The following GOLGA4 variants were observed in gnomAD, a reference collection of about 807,000 sequenced individuals.
GOLGA4 encodes golgin A4, also known as golgin subfamily A member 4.
Under a neutral mutation model 265.9 loss-of-function variants are expected in GOLGA4, and 169 were observed. The ratio of observed to expected loss-of-function variants is 0.64; its 90% CI spans 0.56 to 0.72. GOLGA4 has a LOEUF of 0.72. GOLGA4 is among the 30% of genes least tolerant of loss of function. The pLI is 0.00. For synonymous variants in GOLGA4, 923 were observed against 855.8 expected, an observed-to-expected ratio of 1.08 and a Z score of -1.37; for missense variants, 2,482 against 2,483.4, an observed-to-expected ratio of 1.00 and a Z score of 0.01.
chr3:37,365,127 T>G (rs1024225162), intron 23 of GOLGA4, among the ~76,000 whole-genome samples: 15 of 152,130 alleles, frequency 9.9e-5, no homozygotes, highest in Admixed American at 3.3e-4. Context: ...AATTTTTAAA[T>G]TAAATTTCTT....
chr3:37,246,128 A>G (rs995177392), intron 1 of GOLGA4, among the ~76,000 whole-genome samples: 4 of 151,796 alleles, frequency 2.6e-5, no homozygotes, highest in Admixed American at 2.6e-4. Flanking sequence ...AGGCGGGCGG[A>G]TCACCTGAGG....
At chr3:37,349,730 G>C (rs889668070) in intron 21 of GOLGA4, among the ~76,000 whole-genome samples, 5 of 152,148 alleles carry the variant, frequency 3.3e-5, no homozygotes, top group African/African-American at 7.2e-5. Flanking sequence ...TTGAAATGGA[G>C]ACCAGGTTGC....
intron 5 of GOLGA4, among the ~76,000 whole-genome samples, chr3:37,293,939 A>G (rs575981007): frequency 1.6e-3 from 248 of 152,354 alleles, no homozygotes; most frequent in Non-Finnish European, 3.0e-3. Context: ...GACAGTTGTA[A>G]CACAATGGTA....
At chr3:37,262,527 A>G (rs1262727467) in intron 2 of GOLGA4, among the ~76,000 whole-genome samples, 2 of 143,312 alleles carry the variant, frequency 1.4e-5, no homozygotes, top group Non-Finnish European at 3.2e-5. Flanking sequence ...AATCCTGGAA[A>G]TGAAAAAAAA....
chr3:37,308,378 G>C (rs772297216), intron 10 of GOLGA4, among the ~76,000 whole-genome samples: 11 of 151,782 alleles, frequency 7.2e-5, no homozygotes, highest in Non-Finnish European at 1.3e-4. Context: ...TTGCAAAAGT[G>C]ATATTTATTA....
chr3:37,323,674 T>C lies in GOLGA4; in HGVS notation c.1788T>C (p.Ala596=), dbSNP rs768207231. Residue 596 remains alanine, a synonymous_variant, in exon 14 of 24, where the codon GCT becomes GCC. Transcript: ENST00000361924. ...AAGATTTGGCTGTTCATCTGGAAGC[T>C]GAAAAAAATAAGCACAATAAGGAGA... ...QSKDLAVHLE[A]EKNKHNKEIT... The C allele has an allele frequency of 1.2e-6, 2 of 1,604,190 alleles. No homozygotes were observed. Among genetic ancestry groups the C allele is most frequent in the Non-Finnish European group, 8.5e-7 (1 of 1,177,492 alleles).
chr3:37,243,682 C>T lies in GOLGA4; in HGVS notation c.72+60C>T, dbSNP rs1434866120. The T allele has an allele frequency of 9.4e-6, 13 of 1,382,362 alleles. No individual in the cohort carries two copies. In the East Asian group the frequency reaches 2.6e-4, roughly 27 times the overall value. The allele number at this position is 1,382,362 out of a possible 1,614,324, so 85.6% of individuals were successfully genotyped here. ...AATACCTCTTGAACCGGCCCGCGGACGAAAGAGGCGGGGGGAGTGGGGAAG... is the reference window on the plus strand; with the variant it reads ...AATACCTCTTGAACCGGCCCGCGGATGAAAGAGGCGGGGGGAGTGGGGAAG... On this transcript the variant is annotated intron_variant, in intron 1 of 23. Coordinates refer to ENST00000361924, the MANE Select transcript of GOLGA4 (RefSeq NM_002078.5).
At chr3:37,298,058 G>A (rs1002795089) in intron 7 of GOLGA4, among the ~76,000 whole-genome samples, 2 of 151,928 alleles carry the variant, frequency 1.3e-5, no homozygotes, top group Non-Finnish European at 2.9e-5. Flanking sequence ...ACACACCTGT[G>A]TAGTAACAGA....
At chr3:37,253,580 T>C (rs2096739933) in intron 2 of GOLGA4, among the ~76,000 whole-genome samples, 1 of 152,146 alleles carries the variant, frequency 6.6e-6, no homozygotes, top group Non-Finnish European at 1.5e-5. Context: ...TATTAAAATT[T>C]AGAAAGAAAT....
chr3:37,315,192 A>G (rs1221881134), intron 10 of GOLGA4, among the ~76,000 whole-genome samples: 1 of 152,240 alleles, frequency 6.6e-6, no homozygotes. Context: ...GCTCATATAA[A>G]CAAGTCTTAA....
chr3:37,299,886 C>CA (rs761312241), intron 9 of GOLGA4, among the ~76,000 whole-genome samples: 1,314 of 125,100 alleles, frequency 0.011, 14 homozygotes, highest in Middle Eastern at 0.02. Flanking sequence ...CTCCTCTCTA[C>CA]AAAAAAAAAA....
intron 6 of GOLGA4, among the ~76,000 whole-genome samples, chr3:37,295,609 G>A (rs2096876105): frequency 6.6e-6 from 1 of 152,140 alleles, no homozygotes; most frequent in Non-Finnish European, 1.5e-5. Context: ...CAGCTGTATT[G>A]GGAGTAAACT....
intron 1 of GOLGA4, among the ~76,000 whole-genome samples, chr3:37,246,971 G>C: frequency 6.6e-6 from 1 of 152,044 alleles, no homozygotes; most frequent in Non-Finnish European, 1.5e-5. Flanking sequence ...ACAGGGAAAA[G>C]AGTCCTTTCT....
rs748458944 is a variant in GOLGA4 at position 37,347,282 on chromosome 3, G to T, written c.6562G>T (p.Gly2188Cys). The T allele has an allele frequency of 6.3e-7, 1 of 1,588,834 alleles. No homozygotes were observed. The highest frequency in any genetic ancestry group is 1.1e-5 in the South Asian group (1 of 90,544). ...AAAAGTGCTTTTTGAGTATATGATG[G>T]GTCGTGAGACTAAGGTATAAATCAT... ...LRKVLFEYMM[G>C]RETKTMAKVI... Residue 2188 changes from glycine to cysteine, a missense_variant, in exon 21 of 24, where the codon GGT becomes TGT. By Grantham distance (159) the Gly-to-Cys change is radical (BLOSUM62 -3). Transcript: ENST00000361924.
chr3:37,295,179 A>G, intron 6 of GOLGA4, 102 bp downstream of exon 6: 1 of 601,770 alleles, frequency 1.7e-6, no homozygotes, highest in Non-Finnish European at 2.8e-6. Context: ...TTCTTTTTTA[A>G]GACCTATTTT....
Position 37,323,722 on chromosome 3 carries a change from C to G in GOLGA4, c.1836C>G (p.His612Gln). The G allele has an allele frequency of 6.2e-7, 1 of 1,613,710 alleles. No homozygotes were observed. The highest frequency in any genetic ancestry group is 8.5e-7 in the Non-Finnish European group (1 of 1,179,904). ...AGATTACAGTCATGGTTGAAAAACA[C>G]AAGACAGAATTGGAAAGCCTTAAGC... Reference protein sequence around the residue: ...NKEITVMVEKHKTELESLKHQ... With the variant: ...NKEITVMVEKQKTELESLKHQ... The change falls in exon 14 of 24, where the codon CAC becomes CAG. Residue 612 changes from histidine (H) to glutamine (Q), a missense_variant. This residue lies in a region of GOLGA4 where 1,536 missense variants were observed against 1,483.7 expected (regional missense o/e 1.04). Coordinates refer to ENST00000361924, the MANE Select transcript of GOLGA4 (RefSeq NM_002078.5).
intron 10 of GOLGA4, among the ~76,000 whole-genome samples, chr3:37,314,652 C>T (rs375344499): frequency 1.1e-4 from 16 of 145,798 alleles, no homozygotes; most frequent in Admixed American, 3.4e-4. Context: ...AACACACACA[C>T]ACACACACAC....
chr3:37,308,845 A>G (rs970640048), intron 10 of GOLGA4, among the ~76,000 whole-genome samples: 4 of 151,812 alleles, frequency 2.6e-5, no homozygotes, highest in Non-Finnish European at 5.9e-5. Context: ...TCAAACTCTG[A>G]CCTCGTGATC....
At chr3:37,244,258 A>T (rs558647141) in intron 1 of GOLGA4, 1 of 152,454 alleles carries the variant, frequency 6.6e-6, no homozygotes, top group South Asian at 2.1e-4. Context: ...GTCACTTCGC[A>T]TAACTTGGTT....
Sources: gnomAD v4.1 joint callset for allele counts (sites outside exome capture counted in the v4.1 genomes callset) on GRCh38, gnomAD v4.1.1 for gene constraint, gnomAD v4.1.1 regional missense constraint, MANE v1.5 for transcripts, NCBI Gene and HGNC (gene_info 2026-07-23, HGNC 2026-07-21) for gene names.